Variants in TMEM39A observed in about 807,000 individuals in gnomAD.
TMEM39A encodes the protein suppressor of SQST-1 aggregates in rpl-43 mutants.
TMEM39A carries 19 observed loss-of-function variants against 51.9 expected under a neutral mutation model. That is an observed-to-expected ratio of 0.37 (90% confidence interval 0.26 to 0.54). The LOEUF is 0.54. TMEM39A is among the 20% of genes least tolerant of loss of function. TMEM39A has a pLI of 0.88. For missense variants in TMEM39A, 433 were observed against 590.5 expected, an observed-to-expected ratio of 0.73 and a Z score of 2.76; for synonymous variants, 197 against 220.2, an observed-to-expected ratio of 0.89 and a Z score of 0.93.
rs1229064239 is a variant in TMEM39A at position 119,452,449 on chromosome 3, C to G, written c.418G>C (p.Glu140Gln). The G allele has an allele frequency of 6.2e-7, 1 of 1,612,814 alleles. No homozygotes were observed. Among genetic ancestry groups the G allele is most frequent in the South Asian group, 1.1e-5 (1 of 91,022 alleles). ...ARRLVWALIS[E>Q]ATKAGAASMI... The stretch of plus-strand genomic sequence containing the variant: ...GAATATAGTCAATGAACTGTTACCT[C>G]TGAGATGAGAGCCCATACAAGCCTC... Residue 140 changes from glutamate (E) to glutamine (Q), a missense_variant and splice_region_variant, in exon 4 of 9, where the codon GAG (glutamate) becomes CAG (glutamine). Around this residue, in one of 3 missense-constraint regions of TMEM39A, gnomAD observed 170 missense variants for 239.8 expected, o/e 0.71. Transcript: ENST00000319172.
intron 2 of TMEM39A, among the ~76,000 whole-genome samples, chr3:119,458,669 C>T (rs557320414): frequency 8.6e-4 from 131 of 152,040 alleles, no homozygotes; most frequent in Middle Eastern, 6.8e-3. Flanking sequence ...CCGAGGCGGG[C>T]GGAACACCTG....
chr3:119,431,944 T>C lies in TMEM39A; in HGVS notation c.*37A>G, dbSNP rs771420113. The stretch of plus-strand genomic sequence containing the variant: ...GAAAAAAATAGAACGTATGAAAATA[T>C]TTTTATCTGAGTTCTCCCTCATTGT... On this transcript the variant is annotated 3_prime_UTR_variant, in exon 9 of 9. Coordinates refer to ENST00000319172, the MANE Select transcript of TMEM39A (RefSeq NM_018266.3). 7.3e-7 allele frequency: 1 copy of C among 1,369,210 alleles called. No homozygotes were observed. The highest frequency in any genetic ancestry group is 9.9e-7 in the Non-Finnish European group (1 of 1,010,190). The allele number at this position is 1,369,210 out of a possible 1,614,324, so 84.8% of individuals were successfully genotyped here.
chr3:119,459,488 T>G (rs1281429373), intron 2 of TMEM39A, among the ~76,000 whole-genome samples: 1 of 152,062 alleles, frequency 6.6e-6, no homozygotes, highest in Non-Finnish European at 1.5e-5. Context: ...ACAAAGTATA[T>G]GCAAGGAATA....
At chr3:119,452,301 CAT>C (rs946027325) in intron 4 of TMEM39A, 144 bp downstream of exon 4, 27 of 504,494 alleles carry the variant, frequency 5.4e-5, no homozygotes, top group Non-Finnish European at 8.4e-5. Flanking sequence ...TGCAGGGAAA[CAT>C]TTTTTAAAGT....
At chr3:119,437,505 C>G in intron 6 of TMEM39A, among the ~76,000 whole-genome samples, 1 of 148,852 alleles carries the variant, frequency 6.7e-6, no homozygotes, top group Non-Finnish European at 1.5e-5. Flanking sequence ...TTGATTCTCC[C>G]CAGAAACTAA....
intron 7 of TMEM39A, chr3:119,435,547 T>C: frequency 9.2e-6 from 9 of 982,872 alleles, no homozygotes; most frequent in Non-Finnish European, 1.1e-5. Context: ...GGAGTTTGGG[T>C]GGGGACAGGG....
intron 5 of TMEM39A, among the ~76,000 whole-genome samples, chr3:119,442,161 C>T (rs1200031275): frequency 1.3e-5 from 2 of 151,906 alleles, no homozygotes; most frequent in Admixed American, 6.6e-5. Context: ...GCCAACATAG[C>T]GAAACCCCGA....
chr3:119,451,149 C>A, intron 4 of TMEM39A: 1 of 823,324 alleles, frequency 1.2e-6, no homozygotes. Context: ...TAAATAAAAA[C>A]TCTGAAAGAA....
In TMEM39A at chr3:119,435,000, A is replaced by T. The variant is rs1263084467; in HGVS notation, c.1113-118T>A. On this transcript the variant is annotated intron_variant, in intron 7 of 8. Coordinates refer to ENST00000319172, the MANE Select transcript of TMEM39A (RefSeq NM_018266.3). ...AATAATCAAGGCTTCATCTGCCTGA[A>T]TTCTGAAAATACAGTAATTCCATGG... is the stretch of plus-strand genomic sequence containing the variant. 3 of 1,434,034 alleles carry T rather than the reference A, an allele frequency of 2.1e-6. No homozygotes were observed. The Admixed American group carries it at 7.3e-5, about 35-fold the overall frequency. The allele number at this position is 1,434,034 out of a possible 1,614,324, so 88.8% of individuals were successfully genotyped here. A position where few individuals can be genotyped will look rare whatever the true frequency, so the allele number is the denominator to read the frequency against.
Position 119,458,189 on chromosome 3 carries a change from G to C in TMEM39A, c.165C>G (p.Thr55=), listed in dbSNP as rs757857542. Residue 55 remains threonine, a synonymous_variant, in exon 3 of 9, where the codon ACC becomes ACG. Coordinates refer to ENST00000319172, the MANE Select transcript of TMEM39A (RefSeq NM_018266.3). ...LPVPPITALI[T]PGPVRHCQIP... The stretch of plus-strand genomic sequence containing the variant: ...TTTGGCAATGACGAACAGGACCTGG[G>C]GTGATTAAGGCTGTGATAGGTGGGA... 6.2e-7 allele frequency: 1 copy of C among 1,614,150 alleles called. No homozygotes were observed. The highest frequency in any genetic ancestry group is 1.3e-5 in the African/African-American group (1 of 75,054).
At chr3:119,432,523 A>C (rs1362143449) in intron 8 of TMEM39A, among the ~76,000 whole-genome samples, 1 of 152,184 alleles carries the variant, frequency 6.6e-6, no homozygotes, top group African/African-American at 2.4e-5. Context: ...TATTTTATTT[A>C]GGATAAACAC....
chr3:119,451,591 G>A (rs1324903813), intron 4 of TMEM39A, among the ~76,000 whole-genome samples: 1 of 152,152 alleles, frequency 6.6e-6, no homozygotes, highest in Non-Finnish European at 1.5e-5. Context: ...AGCACTTCGG[G>A]AGGCCGAGGC....
intron 7 of TMEM39A, 194 bp downstream of exon 7, chr3:119,436,597 T>C: frequency 1.8e-6 from 1 of 557,874 alleles, no homozygotes; most frequent in East Asian, 2.9e-5. Context: ...AGAACGCATT[T>C]AAGGAGCTGG....
intron 5 of TMEM39A, among the ~76,000 whole-genome samples, chr3:119,445,517 G>C (rs1368788057): frequency 2.0e-5 from 3 of 152,108 alleles, no homozygotes; most frequent in Non-Finnish European, 1.5e-5. Context: ...TGCCCACCTC[G>C]GCCTCCCAAA....
At chr3:119,442,814 C>A (rs555105171) in intron 5 of TMEM39A, among the ~76,000 whole-genome samples, 1 of 152,296 alleles carries the variant, frequency 6.6e-6, no homozygotes, top group South Asian at 2.1e-4. Context: ...AATCCCAGCA[C>A]TTTGGGAAGC....
chr3:119,448,994 A>AT (rs958593572), intron 4 of TMEM39A, among the ~76,000 whole-genome samples: 3 of 152,134 alleles, frequency 2.0e-5, no homozygotes, highest in Non-Finnish European at 2.9e-5. Flanking sequence ...TTATCTAATC[A>AT]TTTTTTTAAT....
intron 6 of TMEM39A, among the ~76,000 whole-genome samples, chr3:119,437,484 A>G (rs1026556905): frequency 6.6e-6 from 1 of 151,382 alleles, no homozygotes; most frequent in Non-Finnish European, 1.5e-5. Context: ...TGATTCTATT[A>G]TAAGTACATT....
chr3:119,434,648 C>G, intron 8 of TMEM39A, 114 bp downstream of exon 8: 1 of 1,431,830 alleles, frequency 7.0e-7, no homozygotes. Flanking sequence ...GCAATAATTA[C>G]CATGTAATAA....
At chr3:119,446,444 C>A (rs1392265943) in intron 5 of TMEM39A, among the ~76,000 whole-genome samples, 1 of 152,180 alleles carries the variant, frequency 6.6e-6, no homozygotes. Context: ...CCTGGTGGGA[C>A]AAAATGGGAT....
Sources: allele counts gnomAD v4.1 joint callset (sites outside exome capture counted in the v4.1 genomes callset), GRCh38; gene constraint gnomAD v4.1.1; regional missense constraint gnomAD v4.1.1; transcripts MANE v1.5; gene names NCBI Gene and HGNC (gene_info 2026-07-23, HGNC 2026-07-21).